Variants in SPAG16 observed in about 807,000 individuals in gnomAD.
SPAG16 encodes sperm associated antigen 16.
In SPAG16, 86 loss-of-function variants were observed where a neutral mutation model predicts 80.4. The ratio of observed to expected loss-of-function variants is 1.07; its 90% CI spans 0.90 to 1.28. The LOEUF (loss-of-function observed/expected upper bound fraction) is 1.28. Among genes scored for constraint, SPAG16 ranks in the 50% most tolerant of loss-of-function variants. The pLI is 0.00. For missense variants in SPAG16, 870 were observed against 765.3 expected, an observed-to-expected ratio of 1.14 and a Z score of -1.61; for synonymous variants, 294 against 265.9, an observed-to-expected ratio of 1.11 and a Z score of -1.03.
At chr2:214,013,136 G>T (rs1055162533) in intron 12 of SPAG16, among the ~76,000 whole-genome samples, 4 of 150,922 alleles carry the variant, frequency 2.7e-5, no homozygotes, top group Admixed American at 6.6e-5. Flanking sequence ...TCATCAATTG[G>T]CATAGAATGT....
intron 5 of SPAG16, among the ~76,000 whole-genome samples, chr2:213,339,518 C>A (rs979965689): frequency 2.0e-5 from 3 of 152,082 alleles, no homozygotes; most frequent in African/African-American, 7.2e-5. Flanking sequence ...AGAAAGAATC[C>A]TTTAGCTTGC....
At chr2:214,263,275 T>G (rs1297632931) in intron 15 of SPAG16, among the ~76,000 whole-genome samples, 4 of 152,158 alleles carry the variant, frequency 2.6e-5, no homozygotes, top group Non-Finnish European at 5.9e-5. Flanking sequence ...GCTTCTTGAC[T>G]CAGCATAATC....
rs71037346 is a variant in SPAG16, at chr2:214,135,748, TCA to T, written c.1594-13390_1594-13389del. On this transcript the variant is annotated intron_variant, in intron 14 of 15. Transcript: ENST00000331683. ...GTCTCTCTCTCTCTCTCTCTCTCTC[TCA>T]CTCTTGCTTTTCTCTCTTGCCATGT... is the stretch of plus-strand genomic sequence containing the variant. Among the ~76,000 whole-genome samples, 1,096 of 151,570 alleles carry T rather than the reference TCA, an allele frequency of 7.2e-3. 59 individuals carry two copies. The East Asian group carries it at 0.14, about 20-fold the overall frequency.
At chr2:213,938,135 C>T (rs1465641911) in intron 12 of SPAG16, among the ~76,000 whole-genome samples, 1 of 151,712 alleles carries the variant, frequency 6.6e-6, no homozygotes, top group Non-Finnish European at 1.5e-5. Flanking sequence ...TAACATGATA[C>T]ATTTCTGCTT....
chr2:214,378,838 C>T (rs1349138788), intron 15 of SPAG16, among the ~76,000 whole-genome samples: 1 of 152,204 alleles, frequency 6.6e-6, no homozygotes, highest in African/African-American at 2.4e-5. Context: ...ACCTAGGAAA[C>T]AAGTTCCAGC....
chr2:213,842,979 A>G (rs1245269870), intron 10 of SPAG16, among the ~76,000 whole-genome samples: 2 of 152,150 alleles, frequency 1.3e-5, no homozygotes, highest in African/African-American at 4.8e-5. Context: ...TATGTTGCCC[A>G]GGCTGGTTTT....
chr2:213,501,237 T>C (rs2074730377), intron 10 of SPAG16, among the ~76,000 whole-genome samples: 1 of 152,220 alleles, frequency 6.6e-6, no homozygotes, highest in South Asian at 2.1e-4. Context: ...TTTTGTTATG[T>C]TAAATTGGGC....
In SPAG16 at chr2:213,324,812, G is replaced by A. The variant is rs565907082; in HGVS notation, c.536+7456G>A. ...ATGTTTAACTCTGTATGAACTGCTC[G>A]TACATATTCCCACATTCAAGTTGGT... On this transcript the variant is annotated intron_variant, in intron 5 of 15. Coordinates refer to ENST00000331683, the MANE Select transcript of SPAG16 (RefSeq NM_024532.5). Among the ~76,000 whole-genome samples, 12 of 152,142 alleles carry A rather than the reference G, an allele frequency of 7.9e-5. No individual in the cohort carries two copies. The South Asian group carries it at 1.0e-3, about 13-fold the overall frequency.
At chr2:213,618,659 T>C (rs1259695758) in intron 10 of SPAG16, among the ~76,000 whole-genome samples, 2 of 152,092 alleles carry the variant, frequency 1.3e-5, no homozygotes, top group Non-Finnish European at 2.9e-5. Context: ...ATCGTGTTTA[T>C]AGTTTGCTGA....
chr2:213,737,780 G>A (rs908097304), intron 10 of SPAG16, among the ~76,000 whole-genome samples: 2 of 151,984 alleles, frequency 1.3e-5, no homozygotes, highest in African/African-American at 2.4e-5. Flanking sequence ...GAGCCACCGC[G>A]CCTGGCCTCT....
At position 213,407,870 on chromosome 2, in the gene SPAG16, G is replaced by A. The variant is rs2068733502; in HGVS notation, c.942+32751G>A. The stretch of plus-strand genomic sequence containing the variant: ...GAGAGAGGCAGAGAGAGAGACAGGA[G>A]AGAGGAGAGAGGCAGAGAGAGAGAG... On this transcript the variant is annotated intron_variant, in intron 9 of 15. Coordinates refer to ENST00000331683, the MANE Select transcript of SPAG16 (RefSeq NM_024532.5). Among the ~76,000 whole-genome samples the A allele has an allele frequency of 1.6e-5, 2 of 122,480 alleles. 1 individual carries two copies. Among genetic ancestry groups the A allele is most frequent in the South Asian group, 5.9e-4 (2 of 3,384 alleles). The allele number at this position is 122,480 out of a possible 152,430, so 80.4% of individuals were successfully genotyped here. A position where few individuals can be genotyped will look rare whatever the true frequency, so the allele number is the denominator to read the frequency against.
chr2:214,006,416 G>C (rs1292639591), intron 12 of SPAG16, among the ~76,000 whole-genome samples: 1 of 152,116 alleles, frequency 6.6e-6, no homozygotes, highest in Non-Finnish European at 1.5e-5. Context: ...AGACAAATCT[G>C]CTTTACAGCA....
chr2:213,499,811 A>T (rs1024100503), intron 10 of SPAG16, among the ~76,000 whole-genome samples: 5 of 152,032 alleles, frequency 3.3e-5, no homozygotes. Flanking sequence ...AGCCTGCCTT[A>T]TTCTCTCAGA....
chr2:213,553,310 A>T (rs559256556), intron 10 of SPAG16, among the ~76,000 whole-genome samples: 1 of 152,314 alleles, frequency 6.6e-6, no homozygotes, highest in East Asian at 1.9e-4. Flanking sequence ...AAATATGGAG[A>T]ATATCCACAT....
chr2:214,212,356 TC>T (rs1245585404), intron 15 of SPAG16, among the ~76,000 whole-genome samples: 6 of 152,120 alleles, frequency 3.9e-5, no homozygotes, highest in Admixed American at 2.0e-4. Context: ...AGAGGTAACT[TC>T]CTTGACCTCC....
At chr2:214,277,234 A>G (rs181513718) in intron 15 of SPAG16, among the ~76,000 whole-genome samples, 148 of 152,190 alleles carry the variant, frequency 9.7e-4, no homozygotes, top group African/African-American at 3.4e-3. Flanking sequence ...GGGTTCAAAC[A>G]TCCTCCTTTA....
At chr2:214,151,303 G>C (rs1475370509) in intron 15 of SPAG16, among the ~76,000 whole-genome samples, 1 of 152,016 alleles carries the variant, frequency 6.6e-6, no homozygotes, top group Non-Finnish European at 1.5e-5. Context: ...AATGAAGAAA[G>C]AGGTGAAAGT....
intron 15 of SPAG16, among the ~76,000 whole-genome samples, chr2:214,354,114 ACC>A (rs1698606145): frequency 1.4e-5 from 1 of 70,532 alleles, no homozygotes. Flanking sequence ...AAATATATAT[ACC>A]TACTATGTAC....
At chr2:213,354,042 C>T (rs1312525574) in intron 7 of SPAG16, among the ~76,000 whole-genome samples, 2 of 152,192 alleles carry the variant, frequency 1.3e-5, no homozygotes, top group Non-Finnish European at 2.9e-5. Context: ...CCCAGCCCCA[C>T]ACCCCATGAT....
Sources: gnomAD v4.1 joint callset for allele counts (sites outside exome capture counted in the v4.1 genomes callset) on GRCh38, gnomAD v4.1.1 for gene constraint, MANE v1.5 for transcripts, NCBI Gene and HGNC (gene_info 2026-07-23, HGNC 2026-07-21) for gene names.